Variants in NDC1 observed in about 807,000 individuals in gnomAD.
The protein encoded by NDC1 is nucleoporin NDC1.
NDC1 carries 24 observed loss-of-function variants against 89.8 expected under a neutral mutation model. That is an observed-to-expected ratio of 0.27 (90% CI 0.19 to 0.38). The LOEUF (loss-of-function observed/expected upper bound fraction) is 0.38, where lower values mean the gene tolerates loss of function less well. NDC1 is among the 10% of genes least tolerant of loss of function. NDC1 has a pLI of 1.00. For missense variants in NDC1, 728 were observed against 797.6 expected (o/e 0.91, Z 1.05); for synonymous variants, 296 against 284.8 (o/e 1.04, Z -0.39).
chr1:53,800,414 C>A (rs1424259648), intron 11 of NDC1, among the ~76,000 whole-genome samples: 4 of 138,880 alleles, frequency 2.9e-5, no homozygotes, highest in Non-Finnish European at 6.0e-5. Context: ...CAGCTCACTG[C>A]AAACTCCGCC....
Position 53,793,943 on chromosome 1 carries a change from C to CA in NDC1, c.1585-665dup, listed in dbSNP as rs1038587397. On this transcript the variant is annotated intron_variant, in intron 13 of 17. Coordinates refer to ENST00000371429, the MANE Select transcript of NDC1 (RefSeq NM_018087.5). ...TCCTGCCCTTTAACCTTTTAATACCCAAAAAAAGAGTATGTTTCTCTCACA... is the reference window on the plus strand; with the variant it reads ...TCCTGCCCTTTAACCTTTTAATACCCAAAAAAAAGAGTATGTTTCTCTCACA... Among the ~76,000 whole-genome samples the CA allele has an allele frequency of 7.3e-5, 11 of 150,764 alleles. 1 individual carries two copies. The East Asian group carries it at 1.8e-3, about 24-fold the overall frequency.
intron 13 of NDC1, among the ~76,000 whole-genome samples, chr1:53,795,383 C>CTA (rs1275270659): frequency 1.3e-5 from 2 of 152,178 alleles, no homozygotes; most frequent in Non-Finnish European, 2.9e-5. Flanking sequence ...TACACTACCG[C>CTA]TATATGCCTA....
At chr1:53,814,758 C>T (rs1404462374) in intron 6 of NDC1, among the ~76,000 whole-genome samples, 1 of 152,100 alleles carries the variant, frequency 6.6e-6, no homozygotes, top group African/African-American at 2.4e-5. Flanking sequence ...CACTAAGAAA[C>T]AAAACAGGAG....
intron 7 of NDC1, among the ~76,000 whole-genome samples, chr1:53,808,921 T>C (rs1464478657): frequency 6.6e-6 from 1 of 152,202 alleles, no homozygotes; most frequent in African/African-American, 2.4e-5. Context: ...GAATTCCATA[T>C]ATGAAACAAA....
At position 53,830,878 on chromosome 1, in the gene NDC1, C is replaced by T. The variant is rs114685828; in HGVS notation, c.280+1612G>A. 8.6e-3 allele frequency among the ~76,000 whole-genome samples: 1,268 copies of T among 147,562 alleles called. 20 individuals are homozygous for T. Among genetic ancestry groups the T allele is most frequent in the African/African-American group, 0.029 (1,173 of 40,066 alleles). ...ACTCCGTCTCAAAAAAAAAAAATTC[C>T]TCCCGGTCTGAGTATTCTATGATCC... is the stretch of plus-strand genomic sequence containing the variant. On this transcript the variant is annotated intron_variant, in intron 3 of 17. Transcript: ENST00000371429.
In NDC1 at chr1:53,793,223, T is replaced by C. The variant is rs769374889; in HGVS notation, c.1635+6A>G. 3.7e-6 allele frequency: 6 copies of C among 1,606,298 alleles called. No homozygotes were observed. In the African/African-American group the frequency reaches 8.0e-5, roughly 21 times the overall value. ...CATTCCCAACGCTATAACCACATAT[T>C]CTTACCTTACTGAAAAAATACATTA... On this transcript the variant is annotated splice_donor_region_variant and intron_variant, in intron 14 of 17. Transcript: ENST00000371429.
chr1:53,817,105 G>C (rs974427864), intron 6 of NDC1, among the ~76,000 whole-genome samples: 13 of 152,164 alleles, frequency 8.5e-5, no homozygotes, highest in Non-Finnish European at 2.9e-5. Flanking sequence ...ACTAAAAGTA[G>C]AACTACCATT....
intron 11 of NDC1, among the ~76,000 whole-genome samples, chr1:53,798,138 T>TTTGTTA (rs138762442): frequency 7.5e-6 from 1 of 133,022 alleles, no homozygotes; most frequent in South Asian, 2.5e-4. Context: ...CCATCTTCTT[T>TTTGTTA]TTATTATTAT....
chr1:53,818,953 A>G lies in NDC1; in HGVS notation c.703+18T>C. On this transcript the variant is annotated intron_variant, in intron 6 of 17. Coordinates refer to ENST00000371429, the MANE Select transcript of NDC1 (RefSeq NM_018087.5). ...TATGAGATAATATATCACTGTATCA[A>G]AAAGCAGAAATTCTTACCAAGAAAA... 1 of 1,183,298 alleles carries G rather than the reference A, an allele frequency of 8.5e-7. No individual in the cohort carries two copies. The highest frequency in any genetic ancestry group is 1.2e-6 in the Non-Finnish European group (1 of 816,340). 73.3% of individuals were successfully genotyped at this position (1,183,298 alleles called of 1,614,324 possible).
At chr1:53,798,807 G>A (rs560830872) in intron 11 of NDC1, among the ~76,000 whole-genome samples, 49 of 152,128 alleles carry the variant, frequency 3.2e-4, no homozygotes, top group African/African-American at 6.5e-4. Context: ...CACCTGCTTC[G>A]GCCTCCCAAA....
At chr1:53,836,114 G>C (rs1649223615) in intron 1 of NDC1, among the ~76,000 whole-genome samples, 1 of 152,138 alleles carries the variant, frequency 6.6e-6, no homozygotes, top group South Asian at 2.1e-4. Flanking sequence ...AAGATATAGA[G>C]GGGTTTTAAG....
intron 7 of NDC1, 77 bp downstream of exon 7, chr1:53,809,618 A>C: frequency 8.7e-7 from 1 of 1,146,238 alleles, no homozygotes; most frequent in Non-Finnish European, 1.3e-6. Context: ...CAAAATCTAA[A>C]CAAAATATCT....
rs1229480308 is a variant in NDC1 at position 53,785,608 on chromosome 1, T to C, written c.1800+1550A>G. ...ATTTTTTTGAGACAGGGTCTCACTCTGTCACCCAGGCTGGAGTGCAATGGC... is the reference window on the plus strand; with the variant it reads ...ATTTTTTTGAGACAGGGTCTCACTCCGTCACCCAGGCTGGAGTGCAATGGC... On this transcript the variant is annotated intron_variant, in intron 16 of 17. Transcript: ENST00000371429. Among the ~76,000 whole-genome samples, 9 of 152,204 alleles carry C rather than the reference T, an allele frequency of 5.9e-5. No individual in the cohort carries two copies. The South Asian group carries it at 1.2e-3, about 21-fold the overall frequency.
intron 16 of NDC1, among the ~76,000 whole-genome samples, chr1:53,785,208 C>G (rs1003427580): frequency 6.6e-6 from 1 of 152,336 alleles, no homozygotes; most frequent in African/African-American, 2.4e-5. Context: ...TCACATTACT[C>G]TAGACTATAA....
chr1:53,778,255 GTA>G lies in NDC1; in HGVS notation c.1801-5768_1801-5767del, dbSNP rs774623449. The stretch of plus-strand genomic sequence containing the variant: ...GTAATATAGTATATGATGTGTGTGT[GTA>G]TATACACACACACACACACACACAC... On this transcript the variant is annotated intron_variant, in intron 16 of 17. Transcript: ENST00000371429. Among the ~76,000 whole-genome samples the G allele has an allele frequency of 8.0e-3, 994 of 123,596 alleles. 6 individuals carry two copies. Among genetic ancestry groups the G allele is most frequent in the African/African-American group, 0.025 (787 of 31,504 alleles). The allele number at this position is 123,596 out of a possible 152,430, so 81.1% of individuals were successfully genotyped here. A position where few individuals can be genotyped will look rare whatever the true frequency, so the allele number is the denominator to read the frequency against.
At chr1:53,775,682 T>C (rs1451389813) in intron 16 of NDC1, among the ~76,000 whole-genome samples, 1 of 152,198 alleles carries the variant, frequency 6.6e-6, no homozygotes, top group Non-Finnish European at 1.5e-5. Context: ...CTTCAGCACT[T>C]ATCCCCTTAC....
At chr1:53,783,331 T>C (rs1407417724) in intron 16 of NDC1, among the ~76,000 whole-genome samples, 1 of 152,036 alleles carries the variant, frequency 6.6e-6, no homozygotes. Flanking sequence ...AATCTGATGA[T>C]GGCAGAGCAT....
rs114335782 is a variant in NDC1 at position 53,824,817 on chromosome 1, C to G, written c.594+981G>C. Among the ~76,000 whole-genome samples, 317 of 152,296 alleles carry G rather than the reference C, an allele frequency of 2.1e-3. 1 individual carries two copies. The highest frequency in any genetic ancestry group is 7.4e-3 in the African/African-American group (308 of 41,564). Reference sequence around the variant, plus strand: ...GCCTTGTTCTGAAAATGATAGGAGACAGTAAGTGATATGTTCTAAAATTAC... The same window carrying G: ...GCCTTGTTCTGAAAATGATAGGAGAGAGTAAGTGATATGTTCTAAAATTAC... On this transcript the variant is annotated intron_variant, in intron 5 of 17. Coordinates refer to ENST00000371429, the MANE Select transcript of NDC1 (RefSeq NM_018087.5).
In NDC1 at chr1:53,767,544, T is replaced by C. The variant is rs1392555737; in HGVS notation, c.*426A>G. The C allele has an allele frequency of 6.5e-6, 1 of 152,986 alleles. No individual in the cohort carries two copies. The highest frequency in any genetic ancestry group is 1.5e-5 in the Non-Finnish European group (1 of 68,586). 9.5% of individuals were successfully genotyped at this position (152,986 alleles called of 1,614,324 possible). ...AGTAAATGAAACTACACTTAAAAAG[T>C]TTATGTATTTTGAGTTTACAAAGAG... On this transcript the variant is annotated 3_prime_UTR_variant, in exon 18 of 18. Transcript: ENST00000371429.
Sources: allele counts gnomAD v4.1 joint callset (sites outside exome capture counted in the v4.1 genomes callset), GRCh38; gene constraint gnomAD v4.1.1; transcripts MANE v1.5; gene names NCBI Gene and HGNC (gene_info 2026-07-23, HGNC 2026-07-21).